The following RNF170 variants were observed in gnomAD, a reference collection of about 807,000 sequenced individuals.
RNF170 encodes the protein ring finger protein 170.
A neutral mutation model predicts 32.7 loss-of-function variants in RNF170; 12 were observed. The ratio of observed to expected loss-of-function variants is 0.37; its 90% CI spans 0.24 to 0.60. The LOEUF is 0.60. Among genes scored for constraint, RNF170 ranks in the 20% least tolerant of loss-of-function variants. RNF170 has a pLI of 0.72. For synonymous variants in RNF170, 91 were observed against 103.6 expected, an observed-to-expected ratio of 0.88 and a Z score of 0.74; for missense variants, 212 against 311.2, an observed-to-expected ratio of 0.68 and a Z score of 2.40.
rs796552494 is a variant in RNF170, at chr8:42,863,992, T to TGTGC, written c.396+1423_396+1424insGCAC. 6.0e-4 allele frequency among the ~76,000 whole-genome samples: 89 copies of TGTGC among 148,258 alleles called. 2 individuals carry two copies. In the South Asian group the frequency reaches 0.018, roughly 30 times the overall value. ...GAGAGAGAGAGAGAGTGTGTGTGTG[T>TGTGC]GTGTGTGTGTGTGTGTGTGTGAACA... On this transcript the variant is annotated intron_variant, in intron 5 of 6. Coordinates refer to ENST00000527424, the MANE Select transcript of RNF170 (RefSeq NM_030954.4).
downstream of RNF170, among the ~76,000 whole-genome samples, chr8:42,853,087 C>G (rs1278608552): frequency 6.6e-6 from 1 of 151,782 alleles, no homozygotes; most frequent in East Asian, 1.9e-4. Flanking sequence ...GATTGTAACA[C>G]TGCACTCCAA....
intron 5 of RNF170, among the ~76,000 whole-genome samples, chr8:42,864,320 C>T (rs1422212784): frequency 1.3e-5 from 2 of 151,988 alleles, no homozygotes; most frequent in East Asian, 1.9e-4. Context: ...AAGCTGGTAT[C>T]GAACTCCCAG....
intron 2 of RNF170, among the ~76,000 whole-genome samples, chr8:42,881,085 C>T (rs1454156837): frequency 1.3e-5 from 2 of 152,024 alleles, no homozygotes; most frequent in African/African-American, 2.4e-5. Context: ...TGAAACCAAA[C>T]CTGAAATATC....
chr8:42,864,245 C>G (rs1237457937), intron 5 of RNF170, among the ~76,000 whole-genome samples: 1 of 151,794 alleles, frequency 6.6e-6, no homozygotes, highest in Admixed American at 6.6e-5. Context: ...AGGTATACAC[C>G]ACCACACCTG....
intron 2 of RNF170, among the ~76,000 whole-genome samples, chr8:42,878,378 T>C (rs1805120208): frequency 6.6e-6 from 1 of 152,214 alleles, no homozygotes; most frequent in South Asian, 2.1e-4. Context: ...ATTAAAAGTA[T>C]TACTCAAGTG....
chr8:42,853,201 C>A, downstream of RNF170: 1 of 359,570 alleles, frequency 2.8e-6, no homozygotes, highest in Non-Finnish European at 4.8e-6. Context: ...ATTGGATGTC[C>A]ATTAGTGATA....
chr8:42,868,493 T>C (rs552321216), intron 4 of RNF170, among the ~76,000 whole-genome samples: 11 of 152,344 alleles, frequency 7.2e-5, no homozygotes, highest in Non-Finnish European at 1.3e-4. Flanking sequence ...GAGTGTTTAC[T>C]ATTGTATGAA....
Position 42,856,132 on chromosome 8 carries a change from C to T in RNF170, c.*27G>A. On this transcript the variant is annotated 3_prime_UTR_variant, in exon 7 of 7. Transcript: ENST00000527424. ...GATGTTCTACATTAGCTCAGATATC[C>T]TAGTAAACTCAGTTTTGTTTTCTTT... 1 of 1,610,982 alleles carries T rather than the reference C, an allele frequency of 6.2e-7. No homozygotes were observed. The highest frequency in any genetic ancestry group is 8.5e-7 in the Non-Finnish European group (1 of 1,179,580).
rs1313844406 is a variant in RNF170 at position 42,856,055 on chromosome 8, A to G, written c.*104T>C. The stretch of plus-strand genomic sequence containing the variant: ...GTCTTATAGTGGTTTTATATTTGTG[A>G]GATAATACTCCATTGCTTCATTGCT... On this transcript the variant is annotated 3_prime_UTR_variant, in exon 7 of 7. Transcript: ENST00000527424. The G allele has an allele frequency of 1.3e-6, 2 of 1,593,658 alleles. No individual in the cohort carries two copies. The highest frequency in any genetic ancestry group is 1.7e-6 in the Non-Finnish European group (2 of 1,171,958).
chr8:42,868,023 C>T (rs1231670452), intron 4 of RNF170, among the ~76,000 whole-genome samples: 2 of 152,050 alleles, frequency 1.3e-5, no homozygotes, highest in Non-Finnish European at 2.9e-5. Context: ...CTATGATGCC[C>T]GTTTAATTTT....
intron 2 of RNF170, chr8:42,881,502 C>A (rs1009588579): frequency 6.6e-6 from 1 of 152,124 alleles, no homozygotes; most frequent in African/African-American, 2.4e-5. Context: ...ACCTACATGA[C>A]CATCAATGGT....
At position 42,853,726 on chromosome 8, in the gene RNF170, A is replaced by G; in HGVS notation, c.*2433T>C. On this transcript the variant is annotated 3_prime_UTR_variant, in exon 7 of 7. Coordinates refer to ENST00000527424, the MANE Select transcript of RNF170 (RefSeq NM_030954.4). Reference sequence around the variant, plus strand: ...CTCTACTTGCTTTAAAAACTCTCAGATCCCTTCTGCATTTATCATCAGAGA... The same window carrying G: ...CTCTACTTGCTTTAAAAACTCTCAGGTCCCTTCTGCATTTATCATCAGAGA... 7.8e-7 allele frequency: 1 copy of G among 1,287,190 alleles called. No individual in the cohort carries two copies. The highest frequency in any genetic ancestry group is 1.0e-6 in the Non-Finnish European group (1 of 988,678). 79.7% of individuals were successfully genotyped at this position (1,287,190 alleles called of 1,614,324 possible). A position where few individuals can be genotyped will look rare whatever the true frequency, so the allele number is the denominator to read the frequency against.
intron 1 of RNF170, 51 bp downstream of exon 1, chr8:42,896,433 G>A (rs1002836799): frequency 6.6e-6 from 3 of 452,216 alleles, no homozygotes; most frequent in African/African-American, 4.0e-5. Context: ...CGCCGTCCGC[G>A]GCTCCGCGGG....
intron 1 of RNF170, among the ~76,000 whole-genome samples, chr8:42,894,683 G>T (rs1193023237): frequency 1.3e-5 from 2 of 152,090 alleles, no homozygotes; most frequent in South Asian, 2.1e-4. Flanking sequence ...TCCTGCCTCA[G>T]CCTCCCGAGT....
chr8:42,858,594 G>A (rs1329590929), intron 6 of RNF170, among the ~76,000 whole-genome samples: 1 of 152,190 alleles, frequency 6.6e-6, no homozygotes, highest in African/African-American at 2.4e-5. Flanking sequence ...TAAACGCCAT[G>A]AAGGAAAGGT....
At chr8:42,878,436 GA>G (rs1439531442) in intron 2 of RNF170, among the ~76,000 whole-genome samples, 1 of 152,200 alleles carries the variant, frequency 6.6e-6, no homozygotes, top group Non-Finnish European at 1.5e-5. Flanking sequence ...CTGACATGGA[GA>G]AAGTCTGAGT....
chr8:42,894,795 C>G (rs7013671), intron 1 of RNF170, among the ~76,000 whole-genome samples: 1 of 152,104 alleles, frequency 6.6e-6, no homozygotes. Flanking sequence ...ACATCGTGAT[C>G]CGCTCGCCTC....
chr8:42,882,343 T>C (rs961177756), intron 2 of RNF170, among the ~76,000 whole-genome samples: 8 of 152,140 alleles, frequency 5.3e-5, no homozygotes, highest in African/African-American at 9.7e-5. Context: ...CACTGACAGA[T>C]GAATGGAGAA....
chr8:42,854,317 A>G lies in RNF170; in HGVS notation c.*1842T>C. 2 of 1,287,238 alleles carry G rather than the reference A, an allele frequency of 1.6e-6. No homozygotes were observed. The highest frequency in any genetic ancestry group is 2.0e-6 in the Non-Finnish European group (2 of 988,696). The allele number at this position is 1,287,238 out of a possible 1,614,324, so 79.7% of individuals were successfully genotyped here. ...TCACGTCTATCTAAACATTCTATGCAGGAGTCCTACTAAGAAATTTTGGTG... is the reference window on the plus strand; with the variant it reads ...TCACGTCTATCTAAACATTCTATGCGGGAGTCCTACTAAGAAATTTTGGTG... On this transcript the variant is annotated 3_prime_UTR_variant, in exon 7 of 7. Transcript: ENST00000527424.
Sources: gnomAD v4.1 joint callset for allele counts (sites outside exome capture counted in the v4.1 genomes callset) on GRCh38, gnomAD v4.1.1 for gene constraint, MANE v1.5 for transcripts, NCBI Gene and HGNC (gene_info 2026-07-23, HGNC 2026-07-21) for gene names.